Variants in MGAT4C observed in about 807,000 individuals in gnomAD.
MGAT4C encodes alpha-1,3-mannosyl-glycoprotein 4-beta-N-acetylglucosaminyltransferase C.
Under a neutral mutation model 40.1 loss-of-function variants are expected in MGAT4C, and 19 were observed. The ratio of observed to expected loss-of-function variants is 0.47; its 90% CI spans 0.33 to 0.70. The LOEUF is 0.70. Among genes scored for constraint, MGAT4C ranks in the 30% least tolerant of loss-of-function variants. The pLI is 0.02. For synonymous variants in MGAT4C, 181 were observed against 187.1 expected, an observed-to-expected ratio of 0.97 and a Z score of 0.27; for missense variants, 491 against 563.2, an observed-to-expected ratio of 0.87 and a Z score of 1.30.
At chr12:86,799,824 A>G (rs996701601) in intron 1 of MGAT4C, among the ~76,000 whole-genome samples, 4 of 151,884 alleles carry the variant, frequency 2.6e-5, no homozygotes, top group Non-Finnish European at 5.9e-5. Context: ...GGAGAGGACT[A>G]TATATTGCCT....
At chr12:86,125,006 T>C (rs61932262) in intron 1 of MGAT4C, among the ~76,000 whole-genome samples, 11,447 of 152,206 alleles carry the variant, frequency 0.075, 586 homozygotes, top group Middle Eastern at 0.21. Context: ...GTGACCAGAA[T>C]GAAGAAAGAG....
rs902477272 is a variant in MGAT4C, at chr12:85,977,673, G to A, written c.*1616C>T. The A allele has an allele frequency of 6.6e-6, 1 of 151,094 alleles. No individual in the cohort carries two copies. Among genetic ancestry groups the A allele is most frequent in the Non-Finnish European group, 1.5e-5 (1 of 67,452 alleles). 9.4% of individuals were successfully genotyped at this position (151,094 alleles called of 1,614,324 possible). A position where few individuals can be genotyped will look rare whatever the true frequency, so the allele number is the denominator to read the frequency against. On this transcript the variant is annotated 3_prime_UTR_variant, in exon 5 of 5. Coordinates refer to ENST00000611864, the MANE Select transcript of MGAT4C (RefSeq NM_001351288.2). Reference sequence around the variant, plus strand: ...ACGAATAAAATAAAAATATCCTAGTGTTGTTTGCACCACAGCATACCAGTA... The same window carrying A: ...ACGAATAAAATAAAAATATCCTAGTATTGTTTGCACCACAGCATACCAGTA...
At chr12:86,504,138 T>G (rs567977196) in intron 2 of MGAT4C, among the ~76,000 whole-genome samples, 1 of 152,060 alleles carries the variant, frequency 6.6e-6, no homozygotes, top group South Asian at 2.1e-4. Context: ...ACTGTAAATC[T>G]TCAGAATGGC....
At chr12:86,469,023 T>C (rs1957721125) in intron 2 of MGAT4C, among the ~76,000 whole-genome samples, 3 of 152,156 alleles carry the variant, frequency 2.0e-5, no homozygotes, top group Admixed American at 2.0e-4. Flanking sequence ...TGTTTGTCAT[T>C]CATTGTCTCT....
intron 2 of MGAT4C, among the ~76,000 whole-genome samples, chr12:86,520,626 T>A (rs1028423555): frequency 6.6e-6 from 1 of 152,140 alleles, no homozygotes; most frequent in Non-Finnish European, 1.5e-5. Flanking sequence ...GTAGTTCTGT[T>A]TTTAGGTCTT....
At chr12:86,634,600 TTG>T (rs1160718221) in intron 2 of MGAT4C, among the ~76,000 whole-genome samples, 2 of 152,048 alleles carry the variant, frequency 1.3e-5, no homozygotes, top group Non-Finnish European at 2.9e-5. Flanking sequence ...GTGTCTTGTT[TTG>T]TGTGACTGGT....
At chr12:86,781,477 A>T (rs1951839641) in intron 1 of MGAT4C, among the ~76,000 whole-genome samples, 1 of 152,154 alleles carries the variant, frequency 6.6e-6, no homozygotes, top group Non-Finnish European at 1.5e-5. Context: ...ATCTCTTTTT[A>T]ACTACATTAT....
chr12:86,407,309 G>A (rs1029053450), intron 3 of MGAT4C, among the ~76,000 whole-genome samples: 1 of 151,944 alleles, frequency 6.6e-6, no homozygotes, highest in Non-Finnish European at 1.5e-5. Context: ...ATATAATCAA[G>A]CATCTTTGCT....
intron 4 of MGAT4C, among the ~76,000 whole-genome samples, chr12:86,265,917 C>T (rs1952773258): frequency 6.6e-6 from 1 of 152,060 alleles, no homozygotes; most frequent in African/African-American, 2.4e-5. Flanking sequence ...AATGAGATTA[C>T]CTTCTTGATT....
intron 2 of MGAT4C, among the ~76,000 whole-genome samples, chr12:86,468,704 ACT>A: frequency 6.6e-6 from 1 of 152,058 alleles, no homozygotes; most frequent in South Asian, 2.1e-4. Context: ...TTCTAACCAC[ACT>A]GAGATTCTGG....
At chr12:86,228,607 A>G (rs1391908517) in intron 1 of MGAT4C, among the ~76,000 whole-genome samples, 3 of 151,818 alleles carry the variant, frequency 2.0e-5, no homozygotes. Flanking sequence ...TAGAATGAAC[A>G]CTGTATTAGT....
At chr12:86,300,353 G>A (rs185018274) in intron 4 of MGAT4C, among the ~76,000 whole-genome samples, 1 of 152,206 alleles carries the variant, frequency 6.6e-6, no homozygotes, top group Admixed American at 6.5e-5. Context: ...ATATTGTCAC[G>A]AAATTTAAAA....
chr12:86,456,785 G>C (rs1268766030), intron 2 of MGAT4C, among the ~76,000 whole-genome samples: 1 of 152,056 alleles, frequency 6.6e-6, no homozygotes, highest in African/African-American at 2.4e-5. Flanking sequence ...AGCTAAAAAT[G>C]TACATTTTAA....
intron 2 of MGAT4C, among the ~76,000 whole-genome samples, chr12:86,625,632 G>C (rs1962779913): frequency 6.6e-6 from 1 of 152,044 alleles, no homozygotes; most frequent in Admixed American, 6.6e-5. Flanking sequence ...GCACTGGAAA[G>C]CATACTAACA....
chr12:86,586,077 T>C (rs1267481381), intron 2 of MGAT4C, among the ~76,000 whole-genome samples: 6 of 146,376 alleles, frequency 4.1e-5, no homozygotes, highest in Non-Finnish European at 9.0e-5. Flanking sequence ...ATTAGGTATA[T>C]CTCCTAAAGC....
chr12:86,681,788 T>C (rs894357885), intron 2 of MGAT4C, among the ~76,000 whole-genome samples: 2 of 152,010 alleles, frequency 1.3e-5, no homozygotes, highest in Non-Finnish European at 2.9e-5. Flanking sequence ...AAGGTTAACA[T>C]AAGCTCAAAC....
intron 1 of MGAT4C, among the ~76,000 whole-genome samples, chr12:86,200,127 GTTT>G (rs56844963): frequency 9.8e-6 from 1 of 102,356 alleles, no homozygotes; most frequent in African/African-American, 4.8e-5. Context: ...GTATGTATTT[GTTT>G]TTTTTTTTTT....
At chr12:86,817,943 C>G (rs948522806) in intron 1 of MGAT4C, among the ~76,000 whole-genome samples, 5 of 151,322 alleles carry the variant, frequency 3.3e-5, no homozygotes, top group African/African-American at 1.2e-4. Context: ...TGGCATAATT[C>G]TTATTTTAAA....
intron 3 of MGAT4C, among the ~76,000 whole-genome samples, chr12:86,429,213 A>G (rs1481485207): frequency 6.6e-6 from 1 of 152,158 alleles, no homozygotes; most frequent in East Asian, 1.9e-4. Context: ...GATTGCTTCA[A>G]TGACCTTTTG....
Sources: gnomAD v4.1 joint callset for allele counts (sites outside exome capture counted in the v4.1 genomes callset) on GRCh38, gnomAD v4.1.1 for gene constraint, MANE v1.5 for transcripts, NCBI Gene and HGNC (gene_info 2026-07-23, HGNC 2026-07-21) for gene names.